Variants in AUTS2 observed in about 807,000 individuals in gnomAD.
AUTS2 encodes the protein activator of transcription and developmental regulator AUTS2.
Under a neutral mutation model 112.4 loss-of-function variants are expected in AUTS2, and 17 were observed. That is an observed-to-expected ratio of 0.15 (90% CI 0.10 to 0.23). AUTS2 has a LOEUF of 0.23. Among genes scored for constraint, AUTS2 ranks in the 10% least tolerant of loss-of-function variants. The pLI is 1.00. For synonymous variants in AUTS2, 751 were observed against 702.7 expected, an observed-to-expected ratio of 1.07 and a Z score of -1.09; for missense variants, 1,510 against 1,701.6, an observed-to-expected ratio of 0.89 and a Z score of 1.98.
At chr7:69,852,176 A>T (rs1792514295) in intron 1 of AUTS2, among the ~76,000 whole-genome samples, 1 of 152,084 alleles carries the variant, frequency 6.6e-6, no homozygotes, top group Non-Finnish European at 1.5e-5. Flanking sequence ...ATAAATATGT[A>T]TTGAATGCTT....
chr7:70,523,809 C>A (rs1051316524), intron 5 of AUTS2, among the ~76,000 whole-genome samples: 4 of 152,192 alleles, frequency 2.6e-5, no homozygotes, highest in African/African-American at 9.6e-5. Flanking sequence ...AAGGAGGCTG[C>A]ACTGGAAACA....
intron 1 of AUTS2, among the ~76,000 whole-genome samples, chr7:69,853,209 A>C (rs2865805): frequency 0.32 from 49,034 of 151,932 alleles, 8,071 homozygotes; most frequent in African/African-American, 0.37. Flanking sequence ...TAGTTGCTCT[A>C]TCAATTAATT....
intron 4 of AUTS2, among the ~76,000 whole-genome samples, chr7:70,159,072 CA>C (rs1432655920): frequency 7.9e-5 from 12 of 152,148 alleles, no homozygotes; most frequent in Admixed American, 3.3e-4. Flanking sequence ...CATCAACCTG[CA>C]TCTTATTTTA....
At chr7:70,210,761 TG>T (rs1341991004) in intron 4 of AUTS2, among the ~76,000 whole-genome samples, 4 of 152,178 alleles carry the variant, frequency 2.6e-5, no homozygotes, top group African/African-American at 9.7e-5. Context: ...TACACACATG[TG>T]GTAACATTTT....
intron 4 of AUTS2, among the ~76,000 whole-genome samples, chr7:70,405,127 G>A (rs571630116): frequency 6.9e-4 from 105 of 152,268 alleles, no homozygotes; most frequent in African/African-American, 2.5e-3. Flanking sequence ...TTTTGCAAGA[G>A]AGAACAGGAG....
intron 1 of AUTS2, among the ~76,000 whole-genome samples, chr7:69,714,247 A>G (rs28845177): frequency 0.01 from 428 of 42,330 alleles, 4 homozygotes; most frequent in African/African-American, 0.023. Context: ...ATGTGTGTGT[A>G]TATGTGTGTG....
At chr7:70,366,327 C>T (rs56669413) in intron 4 of AUTS2, among the ~76,000 whole-genome samples, 9,822 of 151,986 alleles carry the variant, frequency 0.065, 392 homozygotes, top group African/African-American at 0.1. Flanking sequence ...GTAGCTAAAG[C>T]GGCTCTGCAT....
chr7:69,972,916 T>G (rs1467990120), intron 2 of AUTS2, among the ~76,000 whole-genome samples: 4 of 152,174 alleles, frequency 2.6e-5, no homozygotes, highest in Non-Finnish European at 5.9e-5. Context: ...CAAAATTGCT[T>G]AAGATAAAAT....
intron 6 of AUTS2, among the ~76,000 whole-genome samples, chr7:70,735,756 A>G (rs1787746251): frequency 6.6e-6 from 1 of 152,188 alleles, no homozygotes; most frequent in Admixed American, 6.5e-5. Flanking sequence ...AGAGGGAAAA[A>G]GAAAATAGAG....
intron 2 of AUTS2, among the ~76,000 whole-genome samples, chr7:69,934,247 T>C (rs1264762927): frequency 6.6e-6 from 1 of 152,160 alleles, no homozygotes; most frequent in Non-Finnish European, 1.5e-5. Flanking sequence ...CAGGGGATGC[T>C]CTTCCCAAAG....
intron 5 of AUTS2, among the ~76,000 whole-genome samples, chr7:70,582,556 C>T (rs1019897607): frequency 6.6e-6 from 1 of 152,194 alleles, no homozygotes; most frequent in Non-Finnish European, 1.5e-5. Flanking sequence ...GTATTTTCCC[C>T]TCTGGGGAAG....
chr7:70,311,102 A>G (rs1418749394), intron 4 of AUTS2, among the ~76,000 whole-genome samples: 6 of 152,178 alleles, frequency 3.9e-5, no homozygotes, highest in Non-Finnish European at 7.3e-5. Context: ...GTGTGCTTCA[A>G]TCTACCAGCT....
chr7:69,740,530 T>G (rs1431171536), intron 1 of AUTS2, among the ~76,000 whole-genome samples: 1 of 151,548 alleles, frequency 6.6e-6, no homozygotes, highest in African/African-American at 2.4e-5. Flanking sequence ...TGTCTTTTTT[T>G]TTTCTTTTTT....
At chr7:69,617,023 T>C (rs1793417822) in intron 1 of AUTS2, among the ~76,000 whole-genome samples, 1 of 151,972 alleles carries the variant, frequency 6.6e-6, no homozygotes, top group Non-Finnish European at 1.5e-5. Flanking sequence ...TTTAATGGAG[T>C]TTATATTCTA....
At chr7:69,799,248 A>C (rs1247050808) in intron 1 of AUTS2, among the ~76,000 whole-genome samples, 1 of 152,122 alleles carries the variant, frequency 6.6e-6, no homozygotes, top group Non-Finnish European at 1.5e-5. Context: ...ACCCAGATTC[A>C]CTGAATGAGA....
intron 6 of AUTS2, among the ~76,000 whole-genome samples, chr7:70,731,143 G>A (rs112011159): frequency 0.011 from 1,596 of 151,898 alleles, 25 homozygotes; most frequent in African/African-American, 0.03. Flanking sequence ...CTGGATCCTC[G>A]ACCTTTACTC....
chr7:70,481,101 G>T (rs1183257693), intron 5 of AUTS2, among the ~76,000 whole-genome samples: 1 of 152,208 alleles, frequency 6.6e-6, no homozygotes, highest in Non-Finnish European at 1.5e-5. Flanking sequence ...GCCTGGCGGA[G>T]AAACCTAGAG....
intron 4 of AUTS2, among the ~76,000 whole-genome samples, chr7:70,308,048 G>A (rs1585000833): frequency 6.6e-6 from 1 of 152,298 alleles, no homozygotes; most frequent in East Asian, 1.9e-4. Context: ...AAGTTGTGTA[G>A]TTCAATGAAT....
chr7:69,971,478 A>G (rs374554836), intron 2 of AUTS2, among the ~76,000 whole-genome samples: 1 of 152,226 alleles, frequency 6.6e-6, no homozygotes. Context: ...AGTTTCCTCA[A>G]TGGTAACATA....
Sources: allele counts gnomAD v4.1 joint callset (sites outside exome capture counted in the v4.1 genomes callset), GRCh38; gene constraint gnomAD v4.1.1; transcripts MANE v1.5; gene names NCBI Gene and HGNC (gene_info 2026-07-23, HGNC 2026-07-21).